The following CLVS1 variants were observed in gnomAD, a reference collection of about 807,000 sequenced individuals.
CLVS1 encodes clavesin 1, also known as clavesin-1.
Under a neutral mutation model 33.1 loss-of-function variants are expected in CLVS1, and 10 were observed. The observed-to-expected ratio is 0.30, with a 90% CI of 0.19 to 0.51. The LOEUF is 0.51. Ranked by LOEUF, CLVS1 falls within the 20% of genes least tolerant of loss-of-function variation. The pLI, the probability that CLVS1 is intolerant of heterozygous loss-of-function variation, is 0.97. For missense variants in CLVS1, 343 were observed against 433.4 expected, an observed-to-expected ratio of 0.79 and a Z score of 1.85; for synonymous variants, 163 against 166.1, an observed-to-expected ratio of 0.98 and a Z score of 0.14.
chr8:61,043,935 A>G, the CLVS1 span, among the ~76,000 whole-genome samples: 1 of 152,210 alleles, frequency 6.6e-6, no homozygotes, highest in South Asian at 2.1e-4. Context: ...GAAGAAAGTA[A>G]GGAATAAATG....
At chr8:61,459,991 T>C (rs1242259632) in intron 5 of CLVS1, among the ~76,000 whole-genome samples, 1 of 152,156 alleles carries the variant, frequency 6.6e-6, no homozygotes, top group Non-Finnish European at 1.5e-5. Context: ...CCTTTTCTTA[T>C]AAGGACACCA....
chr8:61,388,975 A>G (rs998584265), intron 3 of CLVS1, among the ~76,000 whole-genome samples: 1 of 151,966 alleles, frequency 6.6e-6, no homozygotes, highest in African/African-American at 2.4e-5. Context: ...TTTTCCTTCT[A>G]TGAGATCAAC....
At chr8:61,210,924 T>G (rs1042721851) in intron 2 of CLVS1, among the ~76,000 whole-genome samples, 12 of 152,042 alleles carry the variant, frequency 7.9e-5, no homozygotes, top group African/African-American at 2.4e-4. Context: ...AACAGCTACA[T>G]TTTAGGGAAG....
chr8:61,129,294 C>G (rs547289146), intron 1 of CLVS1, among the ~76,000 whole-genome samples: 2 of 152,306 alleles, frequency 1.3e-5, no homozygotes, highest in South Asian at 4.1e-4. Flanking sequence ...TGAAGTTTGT[C>G]TGCTTAGGTT....
intron 1 of CLVS1, among the ~76,000 whole-genome samples, chr8:61,294,594 AT>A (rs1392797887): frequency 2.6e-5 from 4 of 152,300 alleles, no homozygotes; most frequent in African/African-American, 7.2e-5. Flanking sequence ...CCAGGGAATT[AT>A]CTTTCTTCTG....
intron 3 of CLVS1, among the ~76,000 whole-genome samples, chr8:61,414,523 A>T (rs1432344729): frequency 2.0e-5 from 3 of 151,708 alleles, no homozygotes; most frequent in Non-Finnish European, 4.4e-5. Flanking sequence ...ATGTATTGTG[A>T]CCTGCCAGGT....
At chr8:60,977,961 G>A in the CLVS1 span, among the ~76,000 whole-genome samples, 1 of 152,192 alleles carries the variant, frequency 6.6e-6, no homozygotes, top group Non-Finnish European at 1.5e-5. Flanking sequence ...AAGATTAACA[G>A]CCAATTGCTC....
chr8:61,194,061 GA>G (rs1807551140), intron 2 of CLVS1, among the ~76,000 whole-genome samples: 1 of 63,402 alleles, frequency 1.6e-5, no homozygotes, highest in Non-Finnish European at 4.7e-5. Context: ...ATAAGAGAAA[GA>G]GGGTATTCAT....
intron 2 of CLVS1, among the ~76,000 whole-genome samples, chr8:61,181,697 CTTT>C (rs369025438): frequency 6.8e-5 from 7 of 103,194 alleles, no homozygotes; most frequent in African/African-American, 2.1e-4. Flanking sequence ...ACCATCTGAT[CTTT>C]TTTTTTTTTT....
the CLVS1 span, among the ~76,000 whole-genome samples, chr8:61,006,636 T>C: frequency 6.6e-6 from 1 of 152,192 alleles, no homozygotes; most frequent in Non-Finnish European, 1.5e-5. Context: ...TTCCATTTTC[T>C]AGCATCTATA....
the CLVS1 span, among the ~76,000 whole-genome samples, chr8:60,984,732 A>G: frequency 6.6e-6 from 1 of 152,136 alleles, no homozygotes; most frequent in African/African-American, 2.4e-5. Flanking sequence ...TGGTACCCAG[A>G]TCATCACATT....
At chr8:61,092,772 A>G (rs1805272617) in intron 1 of CLVS1, among the ~76,000 whole-genome samples, 1 of 152,192 alleles carries the variant, frequency 6.6e-6, no homozygotes, top group Non-Finnish European at 1.5e-5. Flanking sequence ...ACATCAGCCA[A>G]TGAGTGACCC....
At chr8:61,199,824 GC>G (rs1304078438) in intron 2 of CLVS1, among the ~76,000 whole-genome samples, 1 of 152,170 alleles carries the variant, frequency 6.6e-6, no homozygotes. Flanking sequence ...AGAGAAACTT[GC>G]TTTCTCTGCT....
chr8:61,075,446 T>A (rs1804893677), intron 1 of CLVS1, among the ~76,000 whole-genome samples: 1 of 152,274 alleles, frequency 6.6e-6, no homozygotes, highest in South Asian at 2.1e-4. Context: ...AAGGGGAGGA[T>A]CTGAGCTGTG....
chr8:61,347,627 TA>T (rs1256463711), intron 2 of CLVS1, among the ~76,000 whole-genome samples: 71 of 266 alleles, frequency 0.27, no homozygotes, highest in Non-Finnish European at 0.43. Context: ...GCCATTCCAT[TA>T]TATATATATA....
intron 2 of CLVS1, among the ~76,000 whole-genome samples, chr8:61,142,720 A>G (rs1806330730): frequency 6.6e-6 from 1 of 152,170 alleles, no homozygotes; most frequent in Non-Finnish European, 1.5e-5. Context: ...GTCAACTTTA[A>G]TTTATGAGAG....
chr8:61,032,984 GGAAGGAAGGAAAGAAAGAAAGAAAGAAA>G, the CLVS1 span, among the ~76,000 whole-genome samples: 1 of 77,964 alleles, frequency 1.3e-5, no homozygotes, highest in African/African-American at 5.6e-5. Flanking sequence ...AAGGAAGGAA[GGAAGGAAGGAAAGAAAGAAAGAAAGAAA>G]GAAAGAAAGA....
At chr8:61,237,570 A>G (rs558284093) in intron 2 of CLVS1, among the ~76,000 whole-genome samples, 1 of 152,322 alleles carries the variant, frequency 6.6e-6, no homozygotes, top group Non-Finnish European at 1.5e-5. Context: ...TTACTAACCT[A>G]AGAGCTGAGC....
chr8:61,179,642 GTC>G (rs1332291911), intron 2 of CLVS1, among the ~76,000 whole-genome samples: 1 of 152,048 alleles, frequency 6.6e-6, no homozygotes, highest in East Asian at 1.9e-4. Flanking sequence ...AACAAACAGT[GTC>G]TCAGACCACA....
Sources: gnomAD v4.1 joint callset for allele counts (sites outside exome capture counted in the v4.1 genomes callset) on GRCh38, gnomAD v4.1.1 for gene constraint, MANE v1.5 for transcripts, NCBI Gene and HGNC (gene_info 2026-07-23, HGNC 2026-07-21) for gene names.